HLF: variants seen among roughly 807,000 people sequenced by gnomAD.
HLF encodes the protein HLF transcription factor, PAR bZIP family member, also known as hepatic leukemia factor.
HLF carries 3 observed loss-of-function variants against 22.6 expected under a neutral mutation model. That is an observed-to-expected ratio of 0.13 (90% CI 0.06 to 0.34). HLF has a LOEUF of 0.34. Ranked by LOEUF, HLF falls within the 10% of genes least tolerant of loss-of-function variation. The probability of loss-of-function intolerance (pLI) is 1.00; values close to 1 mark genes in which losing one functional copy is unlikely to be tolerated. For missense variants in HLF, 299 were observed against 389.2 expected (o/e 0.77, Z 1.95); for synonymous variants, 151 against 151.8 (o/e 0.99, Z 0.04).
chr17:55,305,918 A>G (rs1429382943), intron 2 of HLF, among the ~76,000 whole-genome samples: 2 of 152,198 alleles, frequency 1.3e-5, no homozygotes, highest in Admixed American at 1.3e-4. Flanking sequence ...TGGGCAAATT[A>G]TTTAGCATAT....
chr17:55,290,960 CA>C (rs2081056193), intron 2 of HLF, among the ~76,000 whole-genome samples: 1 of 152,194 alleles, frequency 6.6e-6, no homozygotes, highest in South Asian at 2.1e-4. Context: ...AAACCATCCA[CA>C]ACATTCCCTT....
chr17:55,290,226 T>C (rs2081047914), intron 2 of HLF, among the ~76,000 whole-genome samples: 1 of 152,204 alleles, frequency 6.6e-6, no homozygotes, highest in Non-Finnish European at 1.5e-5. Context: ...ATCTACCATA[T>C]GACCCAGCAG....
chr17:55,291,959 C>G (rs1156396200), intron 2 of HLF, among the ~76,000 whole-genome samples: 1 of 152,162 alleles, frequency 6.6e-6, no homozygotes, highest in Non-Finnish European at 1.5e-5. Context: ...AGCAAGAGAT[C>G]TAGAATTAGA....
intron 2 of HLF, among the ~76,000 whole-genome samples, chr17:55,290,587 C>T (rs1218455011): frequency 3.9e-5 from 6 of 152,084 alleles, no homozygotes; most frequent in South Asian, 2.1e-4. Flanking sequence ...ACCAACTGGC[C>T]GTTCTCCCAT....
rs766574424 is a variant in HLF, at chr17:55,321,604, C to T, written c.*725C>T. The T allele has an allele frequency of 4.0e-4, 91 of 228,720 alleles. No individual in the cohort carries two copies. The highest frequency in any genetic ancestry group is 1.2e-4 in the Non-Finnish European group (14 of 115,124). The allele number at this position is 228,720 out of a possible 1,614,324, so 14.2% of individuals were successfully genotyped here. On this transcript the variant is annotated 3_prime_UTR_variant, in exon 4 of 4. Transcript: ENST00000226067. ...GTTTTTGCACTGTCTGTACCTAAAG[C>T]AATAATCCTATTGTACGCTAGAGCA...
At chr17:55,316,965 GTTTT>G (rs35293604) in intron 3 of HLF, among the ~76,000 whole-genome samples, 2 of 107,148 alleles carry the variant, frequency 1.9e-5, no homozygotes, top group Non-Finnish European at 1.8e-5. Flanking sequence ...TTTTTATGGT[GTTTT>G]TTTTTTTTTT....
At chr17:55,294,478 G>A (rs999814977) in intron 2 of HLF, among the ~76,000 whole-genome samples, 6 of 152,174 alleles carry the variant, frequency 3.9e-5, no homozygotes, top group South Asian at 2.1e-4. Flanking sequence ...GATACACAGC[G>A]TAGTGGGAGA....
intron 2 of HLF, among the ~76,000 whole-genome samples, chr17:55,297,777 G>T (rs1464362085): frequency 3.5e-5 from 4 of 114,560 alleles, no homozygotes; most frequent in African/African-American, 1.4e-4. Context: ...ATGGAGTCTC[G>T]CTCTGTCACC....
chr17:55,271,000 C>T (rs2080851411), intron 2 of HLF, among the ~76,000 whole-genome samples: 1 of 152,164 alleles, frequency 6.6e-6, no homozygotes, highest in African/African-American at 2.4e-5. Flanking sequence ...CGGCCCCTAC[C>T]TCCTAGTTGC....
intron 1 of HLF, 105 bp downstream of exon 1, chr17:55,265,704 T>TGC: frequency 9.3e-7 from 1 of 1,074,090 alleles, no homozygotes. Context: ...GCTCCCGCCC[T>TGC]GTCCCGCGGC....
At chr17:55,279,649 CAG>C (rs1461746989) in intron 2 of HLF, among the ~76,000 whole-genome samples, 2 of 151,916 alleles carry the variant, frequency 1.3e-5, no homozygotes, top group African/African-American at 4.8e-5. Context: ...TTTTGGGACA[CAG>C]AGTTAACTTG....
chr17:55,316,975 T>G lies in HLF; in HGVS notation c.672+1528T>G, dbSNP rs201657026. Among the ~76,000 whole-genome samples the G allele has an allele frequency of 6.7e-5, 8 of 120,206 alleles. No individual in the cohort carries two copies. The East Asian group carries it at 4.0e-3, about 61-fold the overall frequency. The allele number at this position is 120,206 out of a possible 152,430, so 78.9% of individuals were successfully genotyped here. A position where few individuals can be genotyped will look rare whatever the true frequency, so the allele number is the denominator to read the frequency against. ...CCAATTTTTTATGGTGTTTTTTTTT[T>G]TTTTTTTTTTGAGATGGAGTCGCAC... On this transcript the variant is annotated intron_variant, in intron 3 of 3. Coordinates refer to ENST00000226067, the MANE Select transcript of HLF (RefSeq NM_002126.5).
In HLF at chr17:55,265,572, C is replaced by G; in HGVS notation, c.88C>G (p.Leu30Val). The change falls in exon 1 of 4, where the codon CTG becomes GTG. Residue 30 changes from leucine (L) to valine (V), a missense_variant. Coordinates refer to ENST00000226067, the MANE Select transcript of HLF (RefSeq NM_002126.5). ...GCTCAGGTCCCTGCTGGAGAACCCGCTGAAGCTCCCCCTTCACCACGAAGA... is the reference window on the plus strand; with the variant it reads ...GCTCAGGTCCCTGCTGGAGAACCCGGTGAAGCTCCCCCTTCACCACGAAGA... ...GVLRSLLENP[L>V]KLPLHHEDAF... 6.2e-7 allele frequency: 1 copy of G among 1,604,338 alleles called. No individual in the cohort carries two copies. The highest frequency in any genetic ancestry group is 8.5e-7 in the Non-Finnish European group (1 of 1,175,604).
In HLF at chr17:55,324,947, G is replaced by A. The variant is rs948630862; in HGVS notation, c.*4068G>A. ...GATCGCATCTGTTAAACAGGTACAA[G>A]TTGACATGAGGTTAGTTTAATTGTA... On this transcript the variant is annotated 3_prime_UTR_variant, in exon 4 of 4. Transcript: ENST00000226067. 3 of 230,942 alleles carry A rather than the reference G, an allele frequency of 1.3e-5. No homozygotes were observed. Among genetic ancestry groups the A allele is most frequent in the Non-Finnish European group, 2.6e-5 (3 of 116,408 alleles). The allele number at this position is 230,942 out of a possible 1,614,324, so 14.3% of individuals were successfully genotyped here.
chr17:55,316,604 C>G (rs1905073888), intron 3 of HLF, among the ~76,000 whole-genome samples: 1 of 152,172 alleles, frequency 6.6e-6, no homozygotes, highest in Non-Finnish European at 1.5e-5. Flanking sequence ...TTACCACTTG[C>G]AGTTGAGGAA....
intron 2 of HLF, among the ~76,000 whole-genome samples, chr17:55,274,696 A>G (rs767362295): frequency 5.9e-5 from 9 of 152,222 alleles, no homozygotes; most frequent in Admixed American, 2.0e-4. Context: ...CTGAGCTTTC[A>G]GTTTCTCATC....
rs910353618 is a variant in HLF at position 55,274,128 on chromosome 17, GA to G, written c.451+6049del. ...GGAAAGGGGGTGGGGGAGGTGGGAAGAAAAAAACCCTTGATAACATCCTAAT... is the reference window on the plus strand; with the variant it reads ...GGAAAGGGGGTGGGGGAGGTGGGAAGAAAAAACCCTTGATAACATCCTAAT... On this transcript the variant is annotated intron_variant, in intron 2 of 3. Transcript: ENST00000226067. 3.3e-5 allele frequency among the ~76,000 whole-genome samples: 5 copies of G among 152,106 alleles called. No homozygotes were observed. In the South Asian group the frequency reaches 1.0e-3, roughly 32 times the overall value.
At position 55,323,726 on chromosome 17, in the gene HLF, G is replaced by A. The variant is rs74427487; in HGVS notation, c.*2847G>A. 1,745 of 230,512 alleles carry A rather than the reference G, an allele frequency of 7.6e-3. 11 individuals are homozygous for A. Among genetic ancestry groups the A allele is most frequent in the Non-Finnish European group, 0.011 (1,298 of 116,020 alleles). The allele number at this position is 230,512 out of a possible 1,614,324, so 14.3% of individuals were successfully genotyped here. A position where few individuals can be genotyped will look rare whatever the true frequency, so the allele number is the denominator to read the frequency against. The stretch of plus-strand genomic sequence containing the variant: ...ACAAGGCAGATCTGCTTCATGGAGC[G>A]GGAGGCCATGGCTTGACTCTGAGTG... On this transcript the variant is annotated 3_prime_UTR_variant, in exon 4 of 4. Coordinates refer to ENST00000226067, the MANE Select transcript of HLF (RefSeq NM_002126.5).
intron 2 of HLF, among the ~76,000 whole-genome samples, chr17:55,296,335 T>C (rs1485534615): frequency 6.6e-6 from 1 of 152,214 alleles, no homozygotes; most frequent in Non-Finnish European, 1.5e-5. Flanking sequence ...ACGATTGTTG[T>C]AAAATAGGAC....
Sources: allele counts gnomAD v4.1 joint callset (sites outside exome capture counted in the v4.1 genomes callset), GRCh38; gene constraint gnomAD v4.1.1; transcripts MANE v1.5; gene names NCBI Gene and HGNC (gene_info 2026-07-23, HGNC 2026-07-21).